Variants in MGMT observed in about 807,000 individuals in gnomAD.
MGMT encodes O-6-methylguanine-DNA methyltransferase.
Under a neutral mutation model 15.9 loss-of-function variants are expected in MGMT, and 14 were observed. That is an observed-to-expected ratio of 0.88 (90% CI 0.58 to 1.37). The LOEUF is 1.37. Ranked by LOEUF, MGMT falls within the 40% of genes most tolerant of loss-of-function variation. The pLI, the probability that MGMT is intolerant of heterozygous loss-of-function variation, is 0.00. For synonymous variants in MGMT, 130 were observed against 118.2 expected (o/e 1.10, Z -0.65); for missense variants, 282 against 268.1 (o/e 1.05, Z -0.36).
intron 2 of MGMT, among the ~76,000 whole-genome samples, chr10:129,646,754 A>ATATATATATATATTTTTTTT: frequency 3.5e-5 from 3 of 86,672 alleles, no homozygotes; most frequent in South Asian, 3.4e-4. Context: ...ATATATATAT[A>ATATATATATATATTTTTTTT]TTTTCAGGGA....
At chr10:129,713,530 G>A (rs759563623) in intron 3 of MGMT, among the ~76,000 whole-genome samples, 1 of 152,136 alleles carries the variant, frequency 6.6e-6, no homozygotes, top group East Asian at 1.9e-4. Flanking sequence ...ATTGTCCGAT[G>A]TCTGGAATGA....
chr10:129,507,886 C>G (rs746202573), intron 1 of MGMT, among the ~76,000 whole-genome samples: 1 of 152,088 alleles, frequency 6.6e-6, no homozygotes, highest in African/African-American at 2.4e-5. Flanking sequence ...GCAAACAAGC[C>G]GAAAGCTTTT....
intron 2 of MGMT, among the ~76,000 whole-genome samples, chr10:129,687,115 A>T (rs1223273824): frequency 6.6e-6 from 1 of 152,212 alleles, no homozygotes. Flanking sequence ...GTGCTGAACC[A>T]AGGGGTAAGA....
chr10:129,716,862 G>A (rs981303021), intron 3 of MGMT, among the ~76,000 whole-genome samples: 13 of 152,170 alleles, frequency 8.5e-5, no homozygotes, highest in South Asian at 2.1e-4. Context: ...GAGCCAAATC[G>A]GTTTAAAAGA....
intron 2 of MGMT, among the ~76,000 whole-genome samples, chr10:129,669,188 TGTTTTAC>T (rs1250647225): frequency 6.6e-6 from 1 of 152,176 alleles, no homozygotes; most frequent in Non-Finnish European, 1.5e-5. Context: ...CAACTTATTT[TGTTTTAC>T]TGCAATTTTT....
At chr10:129,559,900 A>AT (rs1336559480) in intron 2 of MGMT, among the ~76,000 whole-genome samples, 1 of 152,212 alleles carries the variant, frequency 6.6e-6, no homozygotes, top group Non-Finnish European at 1.5e-5. Flanking sequence ...TATGCTGCAG[A>AT]AATGGACAAA....
intron 2 of MGMT, among the ~76,000 whole-genome samples, chr10:129,580,151 T>G (rs981137275): frequency 6.6e-6 from 1 of 152,162 alleles, no homozygotes. Flanking sequence ...TGTTGCCGTC[T>G]CAGCAGGGAG....
intron 4 of MGMT, among the ~76,000 whole-genome samples, chr10:129,765,841 C>G (rs563426129): frequency 6.6e-6 from 1 of 152,288 alleles, no homozygotes; most frequent in South Asian, 2.1e-4. Flanking sequence ...GAGGCCAGCA[C>G]CTACATGGAA....
intron 1 of MGMT, among the ~76,000 whole-genome samples, chr10:129,501,777 T>C (rs953483694): frequency 1.3e-5 from 2 of 152,244 alleles, no homozygotes; most frequent in African/African-American, 2.4e-5. Context: ...AAAGCCTGAA[T>C]TGAGCAGCAT....
At chr10:129,685,495 C>A (rs1287726714) in intron 2 of MGMT, among the ~76,000 whole-genome samples, 1 of 152,208 alleles carries the variant, frequency 6.6e-6, no homozygotes, top group African/African-American at 2.4e-5. Context: ...CTCCCCGAGC[C>A]GTGGAGGTGA....
chr10:129,619,699 G>T (rs1040440961), intron 2 of MGMT, among the ~76,000 whole-genome samples: 2 of 151,966 alleles, frequency 1.3e-5, no homozygotes, highest in Non-Finnish European at 2.9e-5. Flanking sequence ...TTGGTTATCT[G>T]TCTTTCAAAG....
intron 2 of MGMT, among the ~76,000 whole-genome samples, chr10:129,538,003 G>A (rs1245904014): frequency 6.6e-6 from 1 of 152,112 alleles, no homozygotes; most frequent in Admixed American, 6.6e-5. Context: ...AAAATTAGGT[G>A]TCTTGTGAGT....
At chr10:129,665,159 ACT>A (rs1248386968) in intron 2 of MGMT, among the ~76,000 whole-genome samples, 2 of 138,494 alleles carry the variant, frequency 1.4e-5, no homozygotes, top group African/African-American at 2.7e-5. Flanking sequence ...CCACTCCATC[ACT>A]CTCTCTCTCT....
intron 1 of MGMT, among the ~76,000 whole-genome samples, chr10:129,530,252 C>G (rs567480125): frequency 2.0e-5 from 3 of 152,158 alleles, no homozygotes; most frequent in African/African-American, 7.2e-5. Context: ...TTGACTCGTA[C>G]TAACTGTAGA....
chr10:129,599,907 A>G (rs1846798423), intron 2 of MGMT, among the ~76,000 whole-genome samples: 1 of 152,200 alleles, frequency 6.6e-6, no homozygotes, highest in African/African-American at 2.4e-5. Context: ...AACTGTGCAT[A>G]TCCCTGCAAC....
At chr10:129,482,102 AT>A (rs1845364825) in intron 1 of MGMT, among the ~76,000 whole-genome samples, 1 of 152,122 alleles carries the variant, frequency 6.6e-6, no homozygotes. Context: ...CTGTGTTTTC[AT>A]TTTGATTCAG....
At chr10:129,539,966 C>T (rs1352582296) in intron 2 of MGMT, among the ~76,000 whole-genome samples, 1 of 152,152 alleles carries the variant, frequency 6.6e-6, no homozygotes, top group Non-Finnish European at 1.5e-5. Context: ...ACTGGGAGTT[C>T]ATTGAACCTG....
At chr10:129,567,254 T>A (rs914762536) in intron 2 of MGMT, among the ~76,000 whole-genome samples, 6 of 152,042 alleles carry the variant, frequency 3.9e-5, no homozygotes, top group African/African-American at 1.4e-4. Context: ...AGGAAAGTAG[T>A]TCTCAGCTCT....
intron 2 of MGMT, among the ~76,000 whole-genome samples, chr10:129,655,196 G>T (rs546396573): frequency 1.3e-5 from 2 of 152,310 alleles, no homozygotes; most frequent in South Asian, 4.1e-4. Flanking sequence ...TGGGGGCCCC[G>T]CGGAGGGCCT....
Sources: gnomAD v4.1 joint callset for allele counts (sites outside exome capture counted in the v4.1 genomes callset) on GRCh38, gnomAD v4.1.1 for gene constraint, MANE v1.5 for transcripts, NCBI Gene and HGNC (gene_info 2026-07-23, HGNC 2026-07-21) for gene names.